KDM4C: variants seen among roughly 807,000 people sequenced by gnomAD.
KDM4C encodes the protein lysine demethylase 4C, also known as lysine-specific demethylase 4C.
In KDM4C, 81 loss-of-function variants were observed where a neutral mutation model predicts 129.3. That is an observed-to-expected ratio of 0.63 (90% CI 0.52 to 0.75). The LOEUF is 0.75. KDM4C is among the 30% of genes least tolerant of loss of function. The pLI is 0.00. For synonymous variants in KDM4C, 573 were observed against 456.1 expected (o/e 1.26, Z -3.26); for missense variants, 1,457 against 1,304.0 (o/e 1.12, Z -1.81).
In KDM4C at chr9:6,984,026, G is replaced by T; in HGVS notation, c.1116-140G>T. The T allele has an allele frequency of 6.9e-6, 4 of 578,512 alleles. No individual in the cohort carries two copies. The East Asian group carries it at 8.7e-5, about 13-fold the overall frequency. The allele number at this position is 578,512 out of a possible 1,614,324, so 35.8% of individuals were successfully genotyped here. On this transcript the variant is annotated intron_variant, in intron 9 of 21. Coordinates refer to ENST00000381309, the MANE Select transcript of KDM4C (RefSeq NM_015061.6). The stretch of plus-strand genomic sequence containing the variant: ...TGATTTCAAATTTAATCATTCAGTT[G>T]TGAACATTGACTTGGCATAGTGATT...
At chr9:6,978,455 T>C (rs1833301696) in intron 8 of KDM4C, among the ~76,000 whole-genome samples, 1 of 152,198 alleles carries the variant, frequency 6.6e-6, no homozygotes, top group African/African-American at 2.4e-5. Context: ...GATTTAATCC[T>C]CAAGTAACAA....
chr9:7,033,786 A>C (rs956491685), intron 15 of KDM4C, among the ~76,000 whole-genome samples: 2 of 152,204 alleles, frequency 1.3e-5, no homozygotes, highest in African/African-American at 2.4e-5. Context: ...TTCAACTAGA[A>C]AGCACAAGTA....
At chr9:7,095,199 T>C (rs1245861790) in intron 17 of KDM4C, among the ~76,000 whole-genome samples, 1 of 152,158 alleles carries the variant, frequency 6.6e-6, no homozygotes, top group Non-Finnish European at 1.5e-5. Flanking sequence ...CCTTTACTGT[T>C]CCACCCCGGT....
chr9:7,126,916 A>G (rs895260564), intron 18 of KDM4C, among the ~76,000 whole-genome samples: 2 of 152,150 alleles, frequency 1.3e-5, no homozygotes, highest in African/African-American at 4.8e-5. Context: ...AGGGGCTCTT[A>G]TTGGTCAAAT....
chr9:6,887,433 A>G (rs916891369), intron 6 of KDM4C, among the ~76,000 whole-genome samples: 5 of 152,186 alleles, frequency 3.3e-5, no homozygotes, highest in Non-Finnish European at 7.3e-5. Flanking sequence ...GATGGCTGGG[A>G]AGTTCATTCA....
chr9:7,052,900 AGC>A lies in KDM4C; in HGVS notation c.2424+3702_2424+3703del, dbSNP rs1554718474. On this transcript the variant is annotated intron_variant, in intron 17 of 21. Coordinates refer to ENST00000381309, the MANE Select transcript of KDM4C (RefSeq NM_015061.6). The stretch of plus-strand genomic sequence containing the variant: ...GAGAGAGAGAGAGAGAGAGAGAGAG[AGC>A]GAGCGAGTGCCCAAGGGATGACAAT... Among the ~76,000 whole-genome samples, 20 of 10,002 alleles carry A rather than the reference AGC, an allele frequency of 2.0e-3. 2 individuals carry two copies. The highest frequency in any genetic ancestry group is 7.6e-3 in the African/African-American group (14 of 1,838). 6.6% of individuals were successfully genotyped at this position (10,002 alleles called of 152,430 possible).
chr9:6,838,908 A>T (rs1048464482), intron 4 of KDM4C, among the ~76,000 whole-genome samples: 1 of 152,222 alleles, frequency 6.6e-6, no homozygotes, highest in African/African-American at 2.4e-5. Context: ...CTTTCAATTT[A>T]GTTATTAGAA....
intron 6 of KDM4C, among the ~76,000 whole-genome samples, chr9:6,882,491 A>G (rs1050774812): frequency 1.3e-5 from 2 of 152,162 alleles, no homozygotes; most frequent in Non-Finnish European, 2.9e-5. Context: ...ATAAAATGCT[A>G]TTATTTTAAA....
intron 17 of KDM4C, among the ~76,000 whole-genome samples, chr9:7,077,875 G>A (rs185939745): frequency 6.6e-6 from 1 of 152,164 alleles, no homozygotes; most frequent in African/African-American, 2.4e-5. Flanking sequence ...GGAAACACAT[G>A]GTCACCCTCT....
intron 12 of KDM4C, among the ~76,000 whole-genome samples, chr9:7,003,440 T>C (rs1250054228): frequency 6.6e-6 from 1 of 152,068 alleles, no homozygotes; most frequent in Non-Finnish European, 1.5e-5. Flanking sequence ...GTGTTTTTTT[T>C]TTTTTTGGTA....
chr9:6,733,914 A>T (rs1292271040), intron 1 of KDM4C, among the ~76,000 whole-genome samples: 2 of 152,160 alleles, frequency 1.3e-5, no homozygotes, highest in African/African-American at 4.8e-5. Flanking sequence ...AGAGTGTAGC[A>T]GTGAGGACAA....
intron 1 of KDM4C, among the ~76,000 whole-genome samples, chr9:6,788,681 G>C (rs1321147598): frequency 1.3e-5 from 2 of 152,216 alleles, no homozygotes; most frequent in African/African-American, 2.4e-5. Flanking sequence ...TGTATGCTAG[G>C]GCTTAAAGAG....
intron 8 of KDM4C, among the ~76,000 whole-genome samples, chr9:6,968,711 T>A (rs962828054): frequency 6.6e-6 from 1 of 152,194 alleles, no homozygotes; most frequent in Non-Finnish European, 1.5e-5. Context: ...CTTAACATTA[T>A]CTTTGGACCT....
At chr9:6,885,064 G>A (rs148498266) in intron 6 of KDM4C, among the ~76,000 whole-genome samples, 2 of 152,286 alleles carry the variant, frequency 1.3e-5, no homozygotes, top group East Asian at 1.9e-4. Context: ...AGCTCATTGA[G>A]TTTTGACAAA....
intron 5 of KDM4C, among the ~76,000 whole-genome samples, chr9:6,865,473 G>T (rs1010172139): frequency 6.6e-6 from 1 of 152,168 alleles, no homozygotes; most frequent in Admixed American, 6.5e-5. Context: ...CATTTGAGAA[G>T]GTCATGGTTC....
intron 12 of KDM4C, among the ~76,000 whole-genome samples, chr9:6,995,773 A>T (rs966189352): frequency 1.3e-5 from 2 of 151,620 alleles, no homozygotes; most frequent in Non-Finnish European, 2.9e-5. Flanking sequence ...CTGGGTTCAC[A>T]CCATTCTCCT....
At chr9:6,898,122 G>T (rs1816753768) in intron 8 of KDM4C, among the ~76,000 whole-genome samples, 1 of 152,170 alleles carries the variant, frequency 6.6e-6, no homozygotes, top group African/African-American at 2.4e-5. Flanking sequence ...GGATTTGTTT[G>T]CCACTGCATT....
intron 15 of KDM4C, among the ~76,000 whole-genome samples, chr9:7,029,858 C>G (rs187798728): frequency 6.6e-6 from 1 of 152,092 alleles, no homozygotes; most frequent in Non-Finnish European, 1.5e-5. Context: ...TCATGAGTTG[C>G]CTGGAATCTG....
At position 6,763,354 on chromosome 9, in the gene KDM4C, C is replaced by T. The variant is rs145638093; in HGVS notation, c.-18+5151C>T. 4.7e-3 allele frequency among the ~76,000 whole-genome samples: 709 copies of T among 152,280 alleles called. 5 individuals carry two copies. The highest frequency in any genetic ancestry group is 0.016 in the African/African-American group (676 of 41,560). ...TGCACTTCTTTGATTGATTCCATCTCATTCTTCAGGAAGCTCAGCTCAGTT... is the reference window on the plus strand; with the variant it reads ...TGCACTTCTTTGATTGATTCCATCTTATTCTTCAGGAAGCTCAGCTCAGTT... On this transcript the variant is annotated intron_variant, in intron 1 of 21. Coordinates refer to ENST00000381309, the MANE Select transcript of KDM4C (RefSeq NM_015061.6).
Sources: gnomAD v4.1 joint callset for allele counts (sites outside exome capture counted in the v4.1 genomes callset) on GRCh38, gnomAD v4.1.1 for gene constraint, MANE v1.5 for transcripts, NCBI Gene and HGNC (gene_info 2026-07-23, HGNC 2026-07-21) for gene names.